Variants in COX10 observed in about 807,000 individuals in gnomAD.
The protein encoded by COX10 is protoheme IX farnesyltransferase, mitochondrial.
A neutral mutation model predicts 37.3 loss-of-function variants in COX10; 27 were observed. The observed-to-expected ratio is 0.72, with a 90% CI of 0.53 to 1.00. The LOEUF (loss-of-function observed/expected upper bound fraction) is 1.00, where lower values mean the gene tolerates loss of function less well. Among genes scored for constraint, COX10 ranks in the 50% least tolerant of loss-of-function variants. The pLI, the probability that COX10 is intolerant of heterozygous loss-of-function variation, is 0.00. For missense variants in COX10, 475 were observed against 563.2 expected (o/e 0.84, Z 1.59); for synonymous variants, 222 against 229.1 (o/e 0.97, Z 0.28).
chr17:14,139,613 T>C (rs1039450036), intron 4 of COX10, among the ~76,000 whole-genome samples: 1 of 152,126 alleles, frequency 6.6e-6, no homozygotes, highest in Non-Finnish European at 1.5e-5. Flanking sequence ...AATAAATAGG[T>C]ATAAAAGTTG....
intron 4 of COX10, among the ~76,000 whole-genome samples, chr17:14,107,666 G>A (rs1915923797): frequency 7.1e-6 from 1 of 141,442 alleles, no homozygotes; most frequent in Admixed American, 7.0e-5. Context: ...TAATTGTACT[G>A]TTTTACACAC....
chr17:14,097,459 A>G (rs1348938433), intron 3 of COX10, among the ~76,000 whole-genome samples: 1 of 152,048 alleles, frequency 6.6e-6, no homozygotes, highest in African/African-American at 2.4e-5. Flanking sequence ...TTTCATCATT[A>G]TTATGTCTTA....
At chr17:14,140,197 T>C (rs1230509312) in intron 4 of COX10, among the ~76,000 whole-genome samples, 1 of 152,204 alleles carries the variant, frequency 6.6e-6, no homozygotes, top group African/African-American at 2.4e-5. Flanking sequence ...TCTATACTTA[T>C]TATTTGTTTA....
intron 4 of COX10, among the ~76,000 whole-genome samples, chr17:14,116,268 A>G (rs1427115846): frequency 6.6e-6 from 1 of 152,140 alleles, no homozygotes; most frequent in Non-Finnish European, 1.5e-5. Flanking sequence ...TAAACGGAAA[A>G]TTCAAGAAAT....
Position 14,202,373 on chromosome 17 carries a change from T to C in COX10, c.929-4437T>C, listed in dbSNP as rs570841175. The stretch of plus-strand genomic sequence containing the variant: ...CCAAGTAGGCCGGACTATAGGCACG[T>C]GGCACCTTGCCTAATTTTTTGTAGA... On this transcript the variant is annotated intron_variant, in intron 6 of 6. Coordinates refer to ENST00000261643, the MANE Select transcript of COX10 (RefSeq NM_001303.4). Among the ~76,000 whole-genome samples the C allele has an allele frequency of 7.9e-5, 12 of 152,208 alleles. No homozygotes were observed. In the South Asian group the frequency reaches 2.5e-3, roughly 32 times the overall value.
chr17:14,076,209 A>G (rs899431211), intron 2 of COX10, among the ~76,000 whole-genome samples: 3 of 149,048 alleles, frequency 2.0e-5, no homozygotes, highest in Non-Finnish European at 4.4e-5. Context: ...GGCTCAAACA[A>G]TCCTGCCTTA....
chr17:14,122,301 G>T (rs1372926224), intron 4 of COX10, among the ~76,000 whole-genome samples: 1 of 152,124 alleles, frequency 6.6e-6, no homozygotes, highest in Admixed American at 6.6e-5. Context: ...GCACCACTTT[G>T]TGATCAGGGT....
chr17:14,202,008 G>A (rs1263340292), intron 6 of COX10, among the ~76,000 whole-genome samples: 1 of 151,736 alleles, frequency 6.6e-6, no homozygotes, highest in Non-Finnish European at 1.5e-5. Context: ...CCTTTCCTCT[G>A]TCCTTTTTAA....
intron 6 of COX10, among the ~76,000 whole-genome samples, chr17:14,194,168 A>G (rs1353555915): frequency 2.0e-5 from 3 of 151,986 alleles, no homozygotes; most frequent in Admixed American, 2.0e-4. Flanking sequence ...GTCCCAGGCC[A>G]TGGAGAACTT....
chr17:14,123,629 G>T (rs1405909886), intron 4 of COX10, among the ~76,000 whole-genome samples: 1 of 152,148 alleles, frequency 6.6e-6, no homozygotes, highest in African/African-American at 2.4e-5. Context: ...GAATGTAAAT[G>T]TTATTTCTGT....
chr17:14,150,907 G>A (rs926033624), intron 4 of COX10, among the ~76,000 whole-genome samples: 1 of 152,260 alleles, frequency 6.6e-6, no homozygotes, highest in Admixed American at 6.5e-5. Flanking sequence ...GAGGGTATAT[G>A]AAAAAGGGGG....
Position 14,075,991 on chromosome 17 carries a change from C to CAAAA in COX10, c.178-726_178-723dup, listed in dbSNP as rs71147838. On this transcript the variant is annotated intron_variant, in intron 2 of 6. Coordinates refer to ENST00000261643, the MANE Select transcript of COX10 (RefSeq NM_001303.4). ...TGGGCAACAGAGCGAGGCTCCATCTCAAAAAAAAAAAAAAAAAAAAATCAT... is the reference window on the plus strand; with the variant it reads ...TGGGCAACAGAGCGAGGCTCCATCTCAAAAAAAAAAAAAAAAAAAAAAAAATCAT... Among the ~76,000 whole-genome samples, 623 of 83,398 alleles carry CAAAA rather than the reference C, an allele frequency of 7.5e-3. 2 individuals carry two copies. Among genetic ancestry groups the CAAAA allele is most frequent in the African/African-American group, 0.026 (574 of 21,766 alleles). 54.7% of individuals were successfully genotyped at this position (83,398 alleles called of 152,430 possible). A position where few individuals can be genotyped will look rare whatever the true frequency, so the allele number is the denominator to read the frequency against.
At position 14,186,994 on chromosome 17, in the gene COX10, T is replaced by C. The variant is rs1179012039; in HGVS notation, c.696-4995T>C. Among the ~76,000 whole-genome samples the C allele has an allele frequency of 3.3e-5, 5 of 152,222 alleles. No homozygotes were observed. The East Asian group carries it at 9.6e-4, about 29-fold the overall frequency. The stretch of plus-strand genomic sequence containing the variant: ...CTTGTCTTATTTTAAGGTTTTTTTT[T>C]TTTAAGAAACTCAATACTGTTTTTT... On this transcript the variant is annotated intron_variant, in intron 5 of 6. Transcript: ENST00000261643.
intron 2 of COX10, among the ~76,000 whole-genome samples, chr17:14,075,991 C>CAA (rs71147838): frequency 2.4e-5 from 2 of 83,430 alleles, no homozygotes; most frequent in African/African-American, 9.2e-5. Context: ...GGCTCCATCT[C>CAA]AAAAAAAAAA....
chr17:14,134,725 T>C (rs1916540206), intron 4 of COX10, among the ~76,000 whole-genome samples: 3 of 151,570 alleles, frequency 2.0e-5, no homozygotes, highest in Non-Finnish European at 4.4e-5. Flanking sequence ...AAGTGTGCCT[T>C]TTAAGGTAGT....
chr17:14,101,075 G>C (rs1263533819), intron 3 of COX10, among the ~76,000 whole-genome samples: 1 of 152,180 alleles, frequency 6.6e-6, no homozygotes, highest in African/African-American at 2.4e-5. Context: ...ACTAAATGCT[G>C]GCAGTGTGAT....
At chr17:14,125,271 T>G (rs751422071) in intron 4 of COX10, among the ~76,000 whole-genome samples, 2 of 152,188 alleles carry the variant, frequency 1.3e-5, no homozygotes, top group Non-Finnish European at 2.9e-5. Flanking sequence ...CATGCCTGTT[T>G]TGCACAACAT....
intron 2 of COX10, among the ~76,000 whole-genome samples, chr17:14,075,510 G>A (rs997014819): frequency 1.3e-5 from 2 of 152,178 alleles, no homozygotes; most frequent in African/African-American, 4.8e-5. Flanking sequence ...GTTAAAGAGA[G>A]AGAAAGAGAG....
rs1391686500 is a variant in COX10 at position 14,069,541 on chromosome 17, C to T, written c.-65C>T. 49 of 1,592,032 alleles carry T rather than the reference C, an allele frequency of 3.1e-5. 1 individual carries two copies. Among genetic ancestry groups the T allele is most frequent in the Middle Eastern group, 3.7e-4 (2 of 5,474 alleles). ...GGGGGGCGGGGAAGGAAGATGGCGG[C>T]GCCCAGCGTCCCGTGAGGAGAGAGG... On this transcript the variant is annotated 5_prime_UTR_variant, in exon 1 of 7. Coordinates refer to ENST00000261643, the MANE Select transcript of COX10 (RefSeq NM_001303.4).
Sources: gnomAD v4.1 joint callset for allele counts (sites outside exome capture counted in the v4.1 genomes callset) on GRCh38, gnomAD v4.1.1 for gene constraint, MANE v1.5 for transcripts, NCBI Gene and HGNC (gene_info 2026-07-23, HGNC 2026-07-21) for gene names.